Variants in PRKCE observed in about 807,000 individuals in gnomAD.
The protein encoded by PRKCE is protein kinase C epsilon type.
PRKCE carries 16 observed loss-of-function variants against 85.4 expected under a neutral mutation model. That is an observed-to-expected ratio of 0.19 (90% CI 0.13 to 0.28). The LOEUF is 0.28. PRKCE is among the 10% of genes least tolerant of loss of function. PRKCE has a pLI of 1.00. For synonymous variants in PRKCE, 388 were observed against 371.5 expected (o/e 1.04, Z -0.51); for missense variants, 573 against 975.2 (o/e 0.59, Z 5.49).
chr2:45,785,963 G>T (rs1558669290), intron 1 of PRKCE, among the ~76,000 whole-genome samples: 1 of 152,192 alleles, frequency 6.6e-6, no homozygotes, highest in Non-Finnish European at 1.5e-5. Flanking sequence ...GGCACCTGCT[G>T]CTGAGACCCA....
At chr2:46,066,934 T>C (rs111677089) in intron 10 of PRKCE, among the ~76,000 whole-genome samples, 8 of 152,324 alleles carry the variant, frequency 5.3e-5, no homozygotes, top group African/African-American at 1.9e-4. Flanking sequence ...ATCTGAGTAA[T>C]ATGGAATATG....
At chr2:45,744,535 C>CTTCTTTCT (rs1236280845) in intron 1 of PRKCE, among the ~76,000 whole-genome samples, 13 of 29,096 alleles carry the variant, frequency 4.5e-4, no homozygotes, top group South Asian at 1.4e-3. Context: ...TTTTTCTTTC[C>CTTCTTTCT]TTCTTTCTTT....
intron 11 of PRKCE, among the ~76,000 whole-genome samples, chr2:46,129,501 A>G (rs542476310): frequency 2.6e-5 from 4 of 152,364 alleles, no homozygotes; most frequent in Admixed American, 6.5e-5. Flanking sequence ...ACGTGTTTCC[A>G]TAGTGCCAAG....
intron 10 of PRKCE, among the ~76,000 whole-genome samples, chr2:46,038,832 A>T (rs978284432): frequency 1.3e-5 from 2 of 152,220 alleles, no homozygotes; most frequent in African/African-American, 4.8e-5. Flanking sequence ...CAGAAGATTT[A>T]GCATGTTTTT....
intron 5 of PRKCE, 120 bp downstream of exon 5, chr2:45,980,501 G>C: frequency 1.0e-6 from 1 of 957,092 alleles, no homozygotes; most frequent in Non-Finnish European, 1.6e-6. Flanking sequence ...TCATTGTGTT[G>C]ATAAAAAAAC....
intron 1 of PRKCE, among the ~76,000 whole-genome samples, chr2:45,799,523 C>T (rs577809973): frequency 6.6e-6 from 1 of 152,092 alleles, no homozygotes; most frequent in Non-Finnish European, 1.5e-5. Flanking sequence ...TGTGAATAAC[C>T]ACTGCACTCT....
At position 46,186,380 on chromosome 2, in the gene PRKCE, A is replaced by T. The variant is rs1332748929; in HGVS notation, c.*1499A>T. On this transcript the variant is annotated 3_prime_UTR_variant, in exon 15 of 15. Coordinates refer to ENST00000306156, the MANE Select transcript of PRKCE (RefSeq NM_005400.3). ...AGCTTTTGCCTTTTGTACATTTGAG[A>T]TTTTTGTATATAGTGTTTGCTGCAA... 2 of 152,400 alleles carry T rather than the reference A, an allele frequency of 1.3e-5. No homozygotes were observed. Among genetic ancestry groups the T allele is most frequent in the Non-Finnish European group, 2.9e-5 (2 of 68,010 alleles). 9.4% of individuals were successfully genotyped at this position (152,400 alleles called of 1,614,324 possible).
chr2:45,816,713 C>T (rs1275446001), intron 1 of PRKCE, among the ~76,000 whole-genome samples: 1 of 152,158 alleles, frequency 6.6e-6, no homozygotes, highest in Non-Finnish European at 1.5e-5. Context: ...ATCCCCAGCG[C>T]CACCCTGCAT....
chr2:45,757,415 C>A (rs935396894), intron 1 of PRKCE, among the ~76,000 whole-genome samples: 11 of 151,476 alleles, frequency 7.3e-5, no homozygotes, highest in Admixed American at 5.3e-4. Context: ...GCCTGTAATC[C>A]CAATACTTTT....
At chr2:46,148,709 T>C (rs1160510152) in intron 12 of PRKCE, among the ~76,000 whole-genome samples, 1 of 152,220 alleles carries the variant, frequency 6.6e-6, no homozygotes, top group Non-Finnish European at 1.5e-5. Flanking sequence ...TCCTACCCTC[T>C]GGTACCTTAT....
chr2:45,747,655 T>G (rs1240606335), intron 1 of PRKCE, among the ~76,000 whole-genome samples: 1 of 152,226 alleles, frequency 6.6e-6, no homozygotes, highest in Non-Finnish European at 1.5e-5. Context: ...TGAATAATGA[T>G]GCAATGAACA....
At chr2:45,680,994 G>T (rs749811371) in intron 1 of PRKCE, among the ~76,000 whole-genome samples, 18 of 152,156 alleles carry the variant, frequency 1.2e-4, no homozygotes, top group African/African-American at 1.7e-4. Context: ...GTCATTTAAA[G>T]ACATAGCATT....
chr2:46,088,415 T>C (rs1200004784), intron 11 of PRKCE, among the ~76,000 whole-genome samples: 1 of 152,166 alleles, frequency 6.6e-6, no homozygotes, highest in Admixed American at 6.5e-5. Context: ...CCTCACACTT[T>C]CCTTTGTGAA....
intron 2 of PRKCE, among the ~76,000 whole-genome samples, chr2:45,936,306 C>T (rs879643582): frequency 4.6e-5 from 7 of 152,230 alleles, no homozygotes; most frequent in Non-Finnish European, 7.3e-5. Context: ...TTTCCCTGCT[C>T]TCCTGAGTAA....
chr2:46,127,912 A>C (rs4953318), intron 11 of PRKCE, among the ~76,000 whole-genome samples: 64,462 of 152,102 alleles, frequency 0.42, 14,835 homozygotes, highest in African/African-American at 0.6. Context: ...GTGGGAAAAC[A>C]CAGTGGGTCA....
intron 1 of PRKCE, among the ~76,000 whole-genome samples, chr2:45,821,744 C>A (rs1689548349): frequency 6.6e-6 from 1 of 152,062 alleles, no homozygotes; most frequent in Non-Finnish European, 1.5e-5. Context: ...AAGTGGGTTG[C>A]AGTGTTGTGG....
intron 14 of PRKCE, among the ~76,000 whole-genome samples, chr2:46,163,811 AAGCTGAGGCAC>A (rs1297719990): frequency 6.7e-6 from 1 of 149,162 alleles, no homozygotes; most frequent in African/African-American, 2.5e-5. Flanking sequence ...AGACATGGGG[AAGCTGAGGCAC>A]ACCCCACGGA....
intron 1 of PRKCE, among the ~76,000 whole-genome samples, chr2:45,799,664 A>G (rs1177111323): frequency 6.6e-6 from 1 of 152,258 alleles, no homozygotes; most frequent in African/African-American, 2.4e-5. Context: ...ATGTCAGTAT[A>G]ATTAGTGCAT....
At chr2:46,110,553 T>C (rs1672153790) in intron 11 of PRKCE, among the ~76,000 whole-genome samples, 1 of 152,156 alleles carries the variant, frequency 6.6e-6, no homozygotes. Flanking sequence ...CTTACATTTC[T>C]TATATTGGTT....
Sources: gnomAD v4.1 joint callset for allele counts (sites outside exome capture counted in the v4.1 genomes callset) on GRCh38, gnomAD v4.1.1 for gene constraint, MANE v1.5 for transcripts, NCBI Gene and HGNC (gene_info 2026-07-23, HGNC 2026-07-21) for gene names.